PRDM16: variants seen among roughly 807,000 people sequenced by gnomAD.
The protein encoded by PRDM16 is PR/SET domain 16, also known as histone-lysine N-methyltransferase PRDM16.
In PRDM16, 23 loss-of-function variants were observed where a neutral mutation model predicts 110.6. The ratio of observed to expected loss-of-function variants is 0.21; its 90% CI spans 0.15 to 0.29. The LOEUF is 0.29. Ranked by LOEUF, PRDM16 falls within the 10% of genes least tolerant of loss-of-function variation. The pLI, the probability that PRDM16 is intolerant of heterozygous loss-of-function variation, is 1.00. For synonymous variants in PRDM16, 799 were observed against 781.8 expected (o/e 1.02, Z -0.37); for missense variants, 1,615 against 1,794.3 (o/e 0.90, Z 1.81).
chr1:3,177,861 T>G (rs1035329281), intron 1 of PRDM16, among the ~76,000 whole-genome samples: 1 of 152,186 alleles, frequency 6.6e-6, no homozygotes, highest in Non-Finnish European at 1.5e-5. Flanking sequence ...ATGGGCCAGG[T>G]GAGACTGAAT....
chr1:3,283,921 T>C (rs1268578739), intron 3 of PRDM16, among the ~76,000 whole-genome samples: 1 of 152,206 alleles, frequency 6.6e-6, no homozygotes, highest in Non-Finnish European at 1.5e-5. Context: ...GGAATGTGGC[T>C]CAGATTCGGG....
At chr1:3,257,106 A>C in intron 3 of PRDM16, among the ~76,000 whole-genome samples, 1 of 152,202 alleles carries the variant, frequency 6.6e-6, no homozygotes, top group South Asian at 2.1e-4. Flanking sequence ...TGCAGCAAAC[A>C]CTCAGTAAGT....
Position 3,268,028 on chromosome 1 carries a change from C to A in PRDM16, c.438+23891C>A, listed in dbSNP as rs555480356. 7.9e-5 allele frequency among the ~76,000 whole-genome samples: 12 copies of A among 152,342 alleles called. No individual in the cohort carries two copies. The South Asian group carries it at 2.5e-3, about 32-fold the overall frequency. ...GCAAAACAGCCAACCTGGGTGCAGA[C>A]CTCAGGGGCCTGCGGACCACGGCTC... On this transcript the variant is annotated intron_variant, in intron 3 of 16. Coordinates refer to ENST00000270722, the MANE Select transcript of PRDM16 (RefSeq NM_022114.4).
chr1:3,434,620 G>C lies in PRDM16; in HGVS notation c.*809G>C, dbSNP rs910836691. 8.6e-6 allele frequency: 2 copies of C among 232,382 alleles called. No homozygotes were observed. Among genetic ancestry groups the C allele is most frequent in the Admixed American group, 1.1e-4 (2 of 17,778 alleles). The allele number at this position is 232,382 out of a possible 1,614,324, so 14.4% of individuals were successfully genotyped here. A position where few individuals can be genotyped will look rare whatever the true frequency, so the allele number is the denominator to read the frequency against. Reference sequence around the variant, plus strand: ...GGCCTGCCCGAGGCTGGGATGGGAAGTGTGCCTGCCCTCGTGTGACATGGA... The same window carrying C: ...GGCCTGCCCGAGGCTGGGATGGGAACTGTGCCTGCCCTCGTGTGACATGGA... On this transcript the variant is annotated 3_prime_UTR_variant, in exon 17 of 17. Coordinates refer to ENST00000270722, the MANE Select transcript of PRDM16 (RefSeq NM_022114.4).
At chr1:3,254,126 G>C (rs1639998538) in intron 3 of PRDM16, among the ~76,000 whole-genome samples, 1 of 152,112 alleles carries the variant, frequency 6.6e-6, no homozygotes, top group African/African-American at 2.4e-5. Context: ...AAATGAGTAG[G>C]TTGCGAAAAT....
rs867054820 is a variant in PRDM16, at chr1:3,300,114, G to A, written c.438+55977G>A. Among the ~76,000 whole-genome samples, 24 of 80,950 alleles carry A rather than the reference G, an allele frequency of 3.0e-4. 2 individuals are homozygous for A. Among genetic ancestry groups the A allele is most frequent in the African/African-American group, 5.1e-4 (14 of 27,430 alleles). 53.1% of individuals were successfully genotyped at this position (80,950 alleles called of 152,430 possible). ...GGCTGTGATGTTTCAGATCCCAGTC[G>A]TGGTGACTCTGCCCTTGTTGAAGAT... On this transcript the variant is annotated intron_variant, in intron 3 of 16. Coordinates refer to ENST00000270722, the MANE Select transcript of PRDM16 (RefSeq NM_022114.4).
At chr1:3,094,895 T>C (rs1035579617) in intron 1 of PRDM16, among the ~76,000 whole-genome samples, 1 of 151,062 alleles carries the variant, frequency 6.6e-6, no homozygotes, top group African/African-American at 2.4e-5. Flanking sequence ...TCTTCCTTCC[T>C]GGTCTTTTCC....
chr1:3,377,989 G>C (rs909088928), intron 3 of PRDM16, among the ~76,000 whole-genome samples: 1 of 152,204 alleles, frequency 6.6e-6, no homozygotes, highest in African/African-American at 2.4e-5. Flanking sequence ...AGGGCTAGAA[G>C]ACTTCACACC....
intron 1 of PRDM16, among the ~76,000 whole-genome samples, chr1:3,108,100 G>A (rs1442287592): frequency 6.6e-6 from 1 of 152,232 alleles, no homozygotes; most frequent in African/African-American, 2.4e-5. Flanking sequence ...CCACAGCCTG[G>A]GAGATGCAGC....
intron 1 of PRDM16, among the ~76,000 whole-genome samples, chr1:3,185,222 C>A (rs1644253904): frequency 6.6e-6 from 1 of 152,116 alleles, no homozygotes; most frequent in African/African-American, 2.4e-5. Flanking sequence ...CGGCTGCACA[C>A]ACACACTATC....
Position 3,157,743 on chromosome 1 carries a change from G to A in PRDM16, c.38-28382G>A, listed in dbSNP as rs969489872. 1.2e-3 allele frequency among the ~76,000 whole-genome samples: 181 copies of A among 152,242 alleles called. 1 individual carries two copies. The highest frequency in any genetic ancestry group is 7.2e-4 in the Non-Finnish European group (49 of 68,030). On this transcript the variant is annotated intron_variant, in intron 1 of 16. Transcript: ENST00000270722. The surrounding 1 kb of genome is among the most constrained non-coding windows in gnomAD (Gnocchi z 4.8). ...CAGGAGGCTGTGTTTGGCCACTAGC[G>A]GAGATGGCCCCAGAGACAACACCCA... is the stretch of plus-strand genomic sequence containing the variant.
intron 1 of PRDM16, among the ~76,000 whole-genome samples, chr1:3,167,211 A>G: frequency 6.6e-6 from 1 of 152,186 alleles, no homozygotes; most frequent in Non-Finnish European, 1.5e-5. Flanking sequence ...GCCAGGGTGA[A>G]GGCCCCTGTC....
chr1:3,409,788 G>GT (rs1643641855), intron 8 of PRDM16, among the ~76,000 whole-genome samples: 1 of 146,044 alleles, frequency 6.8e-6, no homozygotes, highest in Non-Finnish European at 1.5e-5. Flanking sequence ...TGGGTGTGTG[G>GT]TGTGGGTGTG....
intron 3 of PRDM16, among the ~76,000 whole-genome samples, chr1:3,341,199 C>T (rs1014460429): frequency 7.8e-6 from 1 of 128,502 alleles, no homozygotes; most frequent in Non-Finnish European, 1.8e-5. Context: ...GAGTGCAAAG[C>T]TCTCGAGAAG....
In PRDM16 at chr1:3,339,850, C is replaced by T. The variant is rs992248958; in HGVS notation, c.439-45302C>T. Among the ~76,000 whole-genome samples the T allele has an allele frequency of 8.5e-5, 13 of 152,200 alleles. No homozygotes were observed. Among genetic ancestry groups the T allele is most frequent in the African/African-American group, 3.1e-4 (13 of 41,448 alleles). The stretch of plus-strand genomic sequence containing the variant: ...GAGGAAGAATCCACTCTGGCCAGGG[C>T]CGGTGCTAGGGCAGCCCAGCTCAGT... On this transcript the variant is annotated intron_variant, in intron 3 of 16. Transcript: ENST00000270722. This position sits in a 1 kb window ranked among gnomAD's most constrained non-coding sequence, Gnocchi z 5.0.
chr1:3,255,205 T>C lies in PRDM16; in HGVS notation c.438+11068T>C, dbSNP rs1640016195. 6.6e-6 allele frequency among the ~76,000 whole-genome samples: 1 copy of C among 152,072 alleles called. No individual in the cohort carries two copies. Among genetic ancestry groups the C allele is most frequent in the Admixed American group, 6.6e-5 (1 of 15,252 alleles). ...GTTAGACCTAAAACCATAAAAACCC[T>C]AGAAGAAAACCTAGGCATTACCATT... On this transcript the variant is annotated intron_variant, in intron 3 of 16. Coordinates refer to ENST00000270722, the MANE Select transcript of PRDM16 (RefSeq NM_022114.4). This position sits in a 1 kb window ranked among gnomAD's most constrained non-coding sequence, Gnocchi z 4.7.
At chr1:3,263,139 G>A (rs6656462) in intron 3 of PRDM16, among the ~76,000 whole-genome samples, 48,754 of 152,074 alleles carry the variant, frequency 0.32, 9,782 homozygotes, top group East Asian at 0.63. Context: ...CTCCCACCCC[G>A]CACGGGTCTC....
chr1:3,399,585 A>C (rs1394906096), intron 5 of PRDM16, among the ~76,000 whole-genome samples: 1 of 152,042 alleles, frequency 6.6e-6, no homozygotes, highest in Non-Finnish European at 1.5e-5. Context: ...GGGGTTGGGG[A>C]GCAGCAGGGC....
intron 3 of PRDM16, among the ~76,000 whole-genome samples, chr1:3,348,779 G>A (rs1642415783): frequency 6.6e-6 from 1 of 152,186 alleles, no homozygotes; most frequent in Non-Finnish European, 1.5e-5. Flanking sequence ...CTGGGGTGGG[G>A]GCCCTGGGGC....
Sources: gnomAD v4.1 joint callset for allele counts (sites outside exome capture counted in the v4.1 genomes callset) on GRCh38, gnomAD v4.1.1 for gene constraint, Gnocchi (gnomAD v3.1) non-coding constraint, MANE v1.5 for transcripts, NCBI Gene and HGNC (gene_info 2026-07-23, HGNC 2026-07-21) for gene names.